DLG2: variants seen among roughly 807,000 people sequenced by gnomAD.
The protein encoded by DLG2 is disks large homolog 2.
A neutral mutation model predicts 132.5 loss-of-function variants in DLG2; 45 were observed. That is an observed-to-expected ratio of 0.34 (90% confidence interval 0.27 to 0.44). The LOEUF (loss-of-function observed/expected upper bound fraction) is 0.44. Among genes scored for constraint, DLG2 ranks in the 20% least tolerant of loss-of-function variants. The probability of loss-of-function intolerance (pLI) is 1.00; values close to 1 mark genes in which losing one functional copy is unlikely to be tolerated. For synonymous variants in DLG2, 424 were observed against 419.6 expected (o/e 1.01, Z -0.13); for missense variants, 1,045 against 1,196.9 (o/e 0.87, Z 1.87).
chr11:84,118,905 G>C (rs954552823), intron 9 of DLG2, among the ~76,000 whole-genome samples: 5 of 152,076 alleles, frequency 3.3e-5, no homozygotes, highest in African/African-American at 1.2e-4. Context: ...TTCTCACTGA[G>C]GCATAAATAT....
intron 7 of DLG2, among the ~76,000 whole-genome samples, chr11:84,333,502 C>T (rs1438780721): frequency 6.6e-6 from 1 of 152,186 alleles, no homozygotes; most frequent in Non-Finnish European, 1.5e-5. Flanking sequence ...CAAAAGCAAT[C>T]TAAAGCAATC....
rs370934819 is a variant in DLG2, at chr11:83,724,792, G to C, written c.1825+61898C>G. On this transcript the variant is annotated intron_variant, in intron 18 of 27. Coordinates refer to ENST00000376104, the MANE Select transcript of DLG2 (RefSeq NM_001142699.3). ...CTGCTGCCCTCTTTTCATTTTACTG[G>C]CCACACCTCCCCCACATGGTCTGTC... The C allele has an allele frequency of 1.4e-5, 10 of 700,236 alleles. 1 individual carries two copies. In the East Asian group the frequency reaches 2.1e-4, roughly 15 times the overall value. 43.4% of individuals were successfully genotyped at this position (700,236 alleles called of 1,614,324 possible). A position where few individuals can be genotyped will look rare whatever the true frequency, so the allele number is the denominator to read the frequency against.
chr11:84,592,650 G>A (rs2099546223), intron 6 of DLG2, among the ~76,000 whole-genome samples: 1 of 151,926 alleles, frequency 6.6e-6, no homozygotes, highest in African/African-American at 2.4e-5. Flanking sequence ...ATCAGAAAGT[G>A]GGCAAAGTAT....
intron 9 of DLG2, among the ~76,000 whole-genome samples, chr11:84,159,888 G>A (rs551555761): frequency 2.0e-5 from 3 of 152,170 alleles, no homozygotes; most frequent in African/African-American, 7.2e-5. Flanking sequence ...TGAATGCTGA[G>A]GATAAAGAAT....
At chr11:84,336,929 C>T (rs2098487687) in intron 7 of DLG2, among the ~76,000 whole-genome samples, 1 of 152,190 alleles carries the variant, frequency 6.6e-6, no homozygotes, top group South Asian at 2.1e-4. Flanking sequence ...CCTTCTCTCC[C>T]TCTTCCCTCA....
intron 6 of DLG2, among the ~76,000 whole-genome samples, chr11:84,836,338 T>G (rs1051767291): frequency 1.3e-5 from 2 of 151,756 alleles, no homozygotes; most frequent in Admixed American, 1.3e-4. Context: ...TGAGTGCCAA[T>G]GTACCCGTCA....
intron 3 of DLG2, among the ~76,000 whole-genome samples, chr11:85,517,910 T>C (rs2094200516): frequency 6.6e-6 from 1 of 152,150 alleles, no homozygotes; most frequent in Non-Finnish European, 1.5e-5. Context: ...CAAGATCTGA[T>C]GGTTATTATA....
intron 15 of DLG2, among the ~76,000 whole-genome samples, chr11:83,905,515 C>T (rs562817135): frequency 2.0e-3 from 305 of 152,290 alleles, no homozygotes; most frequent in Non-Finnish European, 3.6e-3. Context: ...TGTCTTCCAT[C>T]TTACAGAGAC....
chr11:85,379,964 GAAT>G (rs1307294332), intron 3 of DLG2, among the ~76,000 whole-genome samples: 1 of 151,990 alleles, frequency 6.6e-6, no homozygotes, highest in African/African-American at 2.4e-5. Context: ...AAATATTTGA[GAAT>G]AATTACATAA....
At chr11:84,755,368 G>A (rs965781258) in intron 6 of DLG2, among the ~76,000 whole-genome samples, 1 of 152,204 alleles carries the variant, frequency 6.6e-6, no homozygotes, top group Admixed American at 6.5e-5. Context: ...TTTCTGGGCT[G>A]GGCCTGTGGT....
At chr11:83,932,601 T>C (rs2080521758) in intron 14 of DLG2, among the ~76,000 whole-genome samples, 2 of 152,232 alleles carry the variant, frequency 1.3e-5, no homozygotes, top group Non-Finnish European at 1.5e-5. Flanking sequence ...GTATATTATG[T>C]ACTAGAGCAC....
At chr11:84,857,674 T>C (rs1351123857) in intron 6 of DLG2, among the ~76,000 whole-genome samples, 1 of 152,088 alleles carries the variant, frequency 6.6e-6, no homozygotes, top group Admixed American at 6.6e-5. Flanking sequence ...TTATTCCCAC[T>C]TTGCTATGTC....
At chr11:84,914,710 A>C (rs2092343158) in intron 6 of DLG2, among the ~76,000 whole-genome samples, 1 of 152,210 alleles carries the variant, frequency 6.6e-6, no homozygotes, top group Admixed American at 6.5e-5. Flanking sequence ...GCCTGTCCTA[A>C]GCATTGGTGC....
intron 6 of DLG2, among the ~76,000 whole-genome samples, chr11:84,841,297 T>C (rs937469389): frequency 1.3e-5 from 2 of 151,974 alleles, no homozygotes; most frequent in African/African-American, 4.8e-5. Context: ...GCCTATTTTG[T>C]TTCCCGAAAG....
chr11:84,793,645 A>G (rs892560839), intron 6 of DLG2, among the ~76,000 whole-genome samples: 39 of 152,174 alleles, frequency 2.6e-4, no homozygotes, highest in Non-Finnish European at 4.6e-4. Context: ...CCCCTTTATC[A>G]TTATATAATT....
At chr11:84,804,259 A>T in intron 6 of DLG2, among the ~76,000 whole-genome samples, 1 of 152,236 alleles carries the variant, frequency 6.6e-6, no homozygotes, top group East Asian at 1.9e-4. Context: ...GCCAGCCAGA[A>T]TTTGTAGCTT....
At position 83,469,343 on chromosome 11, in the gene DLG2, A is replaced by G. The variant is rs2091670902; in HGVS notation, c.2477T>C (p.Val826Ala). Residue 826 changes from valine (V) to alanine (A), a missense_variant, in exon 25 of 28, where the codon GTG (valine) becomes GCG (alanine). Transcript: ENST00000376104. ...GACAAAGTGATAGTCTCTGCCATCC[A>G]CCTCGTAGTCTCGCTTTGGCCTCGT... Reference protein sequence around the residue: ...HTTRPKRDYEVDGRDYHFVIS... With the variant: ...HTTRPKRDYEADGRDYHFVIS... 1 of 1,612,580 alleles carries G rather than the reference A, an allele frequency of 6.2e-7. No homozygotes were observed. Among genetic ancestry groups the G allele is most frequent in the African/African-American group, 1.3e-5 (1 of 74,946 alleles).
At chr11:84,001,681 G>GATATA (rs2094353747) in intron 11 of DLG2, among the ~76,000 whole-genome samples, 1 of 152,072 alleles carries the variant, frequency 6.6e-6, no homozygotes, top group South Asian at 2.1e-4. Flanking sequence ...CAGGATAGTA[G>GATATA]ATATGTCAGG....
At chr11:83,607,653 TTTC>T (rs1446109491) in intron 19 of DLG2, among the ~76,000 whole-genome samples, 1 of 152,232 alleles carries the variant, frequency 6.6e-6, no homozygotes, top group Non-Finnish European at 1.5e-5. Flanking sequence ...TTAAAAAAGA[TTTC>T]TTCAAGAAAG....
Sources: gnomAD v4.1 joint callset for allele counts (sites outside exome capture counted in the v4.1 genomes callset) on GRCh38, gnomAD v4.1.1 for gene constraint, MANE v1.5 for transcripts, NCBI Gene and HGNC (gene_info 2026-07-23, HGNC 2026-07-21) for gene names.